The following PHKA1 variants were observed in gnomAD, a reference collection of about 807,000 sequenced individuals.
PHKA1 encodes phosphorylase kinase regulatory subunit alpha 1.
PHKA1 carries 60 observed loss-of-function variants against 110.2 expected under a neutral mutation model. The ratio of observed to expected loss-of-function variants is 0.54; its 90% CI spans 0.44 to 0.68. PHKA1 has a LOEUF of 0.68. Ranked by LOEUF, PHKA1 falls within the 30% of genes least tolerant of loss-of-function variation. The pLI is 0.00. For missense variants in PHKA1, 801 were observed against 942.5 expected, an observed-to-expected ratio of 0.85 and a Z score of 1.97; for synonymous variants, 316 against 333.6, an observed-to-expected ratio of 0.95 and a Z score of 0.58.
intron 5 of PHKA1, 108 bp downstream of exon 5, chrX:72,684,390 T>C (rs781931649): frequency 1.1e-5 from 6 of 536,980 alleles, no homozygotes; most frequent in African/African-American, 2.3e-5. Flanking sequence ...AGAAGCCTTT[T>C]AGGTTGGTTC....
At chrX:72,590,240 G>C (rs1169416010) in intron 29 of PHKA1, among the ~76,000 whole-genome samples, 1 of 111,217 alleles carries the variant, frequency 9.0e-6, no homozygotes, top group Non-Finnish European at 1.9e-5. Context: ...TAGACCAATG[G>C]GACAGAAGAG....
At chrX:72,660,455 A>G (rs1283542438) in intron 8 of PHKA1, 3 of 254,470 alleles carry the variant, frequency 1.2e-5, no homozygotes, top group Non-Finnish European at 2.1e-5. Context: ...AAGAATCAAC[A>G]TAAGTGAAAA....
intron 2 of PHKA1, among the ~76,000 whole-genome samples, chrX:72,708,853 A>G: frequency 8.9e-6 from 1 of 112,202 alleles, no homozygotes; most frequent in Middle Eastern, 4.6e-3. Context: ...GTAAAGACAC[A>G]TGCTCTTTAA....
At chrX:72,678,722 G>T (rs190283053) in intron 5 of PHKA1, among the ~76,000 whole-genome samples, 1 of 111,745 alleles carries the variant, frequency 8.9e-6, no homozygotes, top group East Asian at 2.8e-4. Flanking sequence ...CTTCCCACCT[G>T]CAACAACTAA....
intron 8 of PHKA1, among the ~76,000 whole-genome samples, chrX:72,662,036 A>C (rs1165480408): frequency 3.6e-5 from 4 of 111,253 alleles, no homozygotes; most frequent in African/African-American, 1.3e-4. Flanking sequence ...TTGCAGGGAA[A>C]AGGTAAGCAA....
intron 3 of PHKA1, chrX:72,697,285 C>T (rs1223638031): frequency 3.6e-5 from 4 of 111,752 alleles, no homozygotes; most frequent in African/African-American, 1.3e-4. Context: ...TTAAATTCTG[C>T]TTACACTTAG....
At chrX:72,629,559 A>T (rs2053134728) in intron 16 of PHKA1, among the ~76,000 whole-genome samples, 1 of 111,893 alleles carries the variant, frequency 8.9e-6, no homozygotes, top group African/African-American at 3.2e-5. Context: ...TTTACATGGT[A>T]TATCTTTTTC....
intron 18 of PHKA1, chrX:72,622,778 T>C: frequency 2.7e-6 from 2 of 746,860 alleles, no homozygotes; most frequent in African/African-American, 4.6e-5. Context: ...ATATGTATTA[T>C]TTTCCTACTT....
chrX:72,587,916 C>G (rs2052458412), intron 29 of PHKA1, among the ~76,000 whole-genome samples: 1 of 111,799 alleles, frequency 8.9e-6, no homozygotes, highest in African/African-American at 3.3e-5. Flanking sequence ...AATACAGGAG[C>G]ACTCAGATTC....
intron 3 of PHKA1, among the ~76,000 whole-genome samples, chrX:72,698,067 A>G (rs1556328147): frequency 2.7e-5 from 3 of 111,050 alleles, no homozygotes; most frequent in Non-Finnish European, 5.7e-5. Flanking sequence ...TCTGTACATT[A>G]TGATGTAAAT....
chrX:72,695,607 A>T, intron 4 of PHKA1, 101 bp downstream of exon 4: 1 of 801,354 alleles, frequency 1.2e-6, no homozygotes, highest in Non-Finnish European at 1.9e-6. Flanking sequence ...TGTTTCATGA[A>T]GATCTACCCC....
At chrX:72,667,196 C>T (rs2053624531) in intron 7 of PHKA1, among the ~76,000 whole-genome samples, 179 bp downstream of exon 7, 1 of 112,351 alleles carries the variant, frequency 8.9e-6, no homozygotes, top group African/African-American at 3.2e-5. Flanking sequence ...TATTTTATAG[C>T]CCATGCTATA....
chrX:72,625,029 A>G (rs1260097279), intron 17 of PHKA1, among the ~76,000 whole-genome samples: 4 of 112,289 alleles, frequency 3.6e-5, no homozygotes, highest in Non-Finnish European at 7.5e-5. Flanking sequence ...TTGGTGGGAA[A>G]ACAGCTATGA....
chrX:72,689,173 C>T (rs1400804292), intron 4 of PHKA1, among the ~76,000 whole-genome samples: 1 of 112,164 alleles, frequency 8.9e-6, no homozygotes, highest in Non-Finnish European at 1.9e-5. Flanking sequence ...TAGAAACAAC[C>T]TTATTGAGAT....
At chrX:72,638,951 T>C (rs1389715676) in intron 14 of PHKA1, among the ~76,000 whole-genome samples, 11 of 111,951 alleles carry the variant, frequency 9.8e-5, no homozygotes, top group Admixed American at 2.8e-4. Flanking sequence ...TCCAAGGTTT[T>C]AGTTTCTCAA....
intron 6 of PHKA1, among the ~76,000 whole-genome samples, chrX:72,675,054 G>T (rs1362885518): frequency 9.2e-6 from 1 of 108,853 alleles, no homozygotes; most frequent in Non-Finnish European, 1.9e-5. Context: ...TGGGCATGGT[G>T]GCAGATGCCT....
intron 21 of PHKA1, among the ~76,000 whole-genome samples, chrX:72,616,089 G>A (rs1472042015): frequency 2.7e-5 from 3 of 111,710 alleles, no homozygotes; most frequent in African/African-American, 9.8e-5. Context: ...TCAGGGCCAG[G>A]TGCTGTGGCT....
At chrX:72,698,448 G>A (rs1247330713) in intron 3 of PHKA1, among the ~76,000 whole-genome samples, 1 of 112,376 alleles carries the variant, frequency 8.9e-6, no homozygotes, top group African/African-American at 3.2e-5. Flanking sequence ...CATTAGAAAT[G>A]TCTTAAGATT....
At chrX:72,688,231 T>G (rs1458972275) in intron 4 of PHKA1, among the ~76,000 whole-genome samples, 6 of 112,085 alleles carry the variant, frequency 5.4e-5, no homozygotes, top group African/African-American at 1.9e-4. Context: ...TGCAAACTCC[T>G]CCTGATCCAT....
Sources: allele counts gnomAD v4.1 joint callset (sites outside exome capture counted in the v4.1 genomes callset), GRCh38; gene constraint gnomAD v4.1.1; transcripts MANE v1.5; gene names NCBI Gene and HGNC (gene_info 2026-07-23, HGNC 2026-07-21).